The following RPSA2 variants were observed in gnomAD, a reference collection of about 807,000 sequenced individuals.
RPSA2 encodes small ribosomal subunit protein uS2B.
chr19:23,861,558 C>T, the RPSA2 span, among the ~76,000 whole-genome samples: 2 of 152,200 alleles, frequency 1.3e-5, no homozygotes, highest in Middle Eastern at 3.4e-3. Flanking sequence ...CAGGGTTCTA[C>T]TGTACTTTTC....
At chr19:23,844,482 T>A in the RPSA2 span, among the ~76,000 whole-genome samples, 4 of 152,296 alleles carry the variant, frequency 2.6e-5, no homozygotes, top group African/African-American at 9.6e-5. Context: ...GCTATTTGTA[T>A]GTCTTTATTG....
the RPSA2 span, among the ~76,000 whole-genome samples, chr19:23,778,233 A>T: frequency 6.6e-6 from 1 of 151,994 alleles, no homozygotes; most frequent in Admixed American, 6.6e-5. Flanking sequence ...TTTGTTTTTG[A>T]TGGAGTTTCA....
chr19:23,795,711 T>C, the RPSA2 span, among the ~76,000 whole-genome samples: 1 of 152,168 alleles, frequency 6.6e-6, no homozygotes, highest in South Asian at 2.1e-4. Context: ...TTATGTTGAA[T>C]AGAAGTGTTG....
chr19:23,864,433 A>G, the RPSA2 span, among the ~76,000 whole-genome samples: 1 of 152,230 alleles, frequency 6.6e-6, no homozygotes, highest in South Asian at 2.1e-4. Flanking sequence ...TATGTAACAC[A>G]TACCCATACC....
the RPSA2 span, among the ~76,000 whole-genome samples, chr19:23,866,266 A>G: frequency 5.9e-5 from 9 of 152,220 alleles, no homozygotes; most frequent in Non-Finnish European, 1.2e-4. Flanking sequence ...CATGGCTGCA[A>G]GATGCAGTGC....
At chr19:23,768,784 C>T in the RPSA2 span, among the ~76,000 whole-genome samples, 2 of 149,638 alleles carry the variant, frequency 1.3e-5, no homozygotes, top group African/African-American at 4.9e-5. Context: ...GACAGGGTTT[C>T]ACCATGTTGG....
the RPSA2 span, among the ~76,000 whole-genome samples, chr19:23,806,036 C>CT: frequency 1.0e-5 from 1 of 96,452 alleles, no homozygotes; most frequent in Non-Finnish European, 2.1e-5. Flanking sequence ...TCTATCTATC[C>CT]TTCTTTCTTT....
chr19:23,766,066 A>G, the RPSA2 span, among the ~76,000 whole-genome samples: 1 of 151,882 alleles, frequency 6.6e-6, no homozygotes, highest in South Asian at 2.1e-4. Context: ...GCTTTATAGA[A>G]GAGGTGACAT....
At chr19:23,848,836 A>T in the RPSA2 span, among the ~76,000 whole-genome samples, 1 of 152,234 alleles carries the variant, frequency 6.6e-6, no homozygotes, top group Non-Finnish European at 1.5e-5. Context: ...CCAATCATTG[A>T]CAAAATGAGC....
chr19:23,844,587 A>G, the RPSA2 span, among the ~76,000 whole-genome samples: 2 of 152,062 alleles, frequency 1.3e-5, no homozygotes, highest in Non-Finnish European at 2.9e-5. Context: ...TATAAGTTTC[A>G]TGTTGTCACA....
chr19:23,761,098 G>GTA, the RPSA2 span, among the ~76,000 whole-genome samples: 2 of 150,654 alleles, frequency 1.3e-5, no homozygotes, highest in Admixed American at 6.7e-5. Context: ...ATGTGTGTGT[G>GTA]TGTGTACACA....
At chr19:23,806,274 A>G in the RPSA2 span, among the ~76,000 whole-genome samples, 6 of 151,486 alleles carry the variant, frequency 4.0e-5, no homozygotes, top group East Asian at 1.2e-3. Flanking sequence ...CAAACTCCTG[A>G]CCACATGATC....
At chr19:23,767,547 G>A in the RPSA2 span, among the ~76,000 whole-genome samples, 1 of 152,092 alleles carries the variant, frequency 6.6e-6, no homozygotes, top group Non-Finnish European at 1.5e-5. Flanking sequence ...GAACCTGCAA[G>A]CAAAATGTAC....
At chr19:23,855,269 G>T in the RPSA2 span, among the ~76,000 whole-genome samples, 19 of 152,274 alleles carry the variant, frequency 1.2e-4, no homozygotes, top group African/African-American at 4.6e-4. Flanking sequence ...TGACCACAAG[G>T]TATGCAATTG....
At chr19:23,832,803 C>T in the RPSA2 span, 13 of 1,577,364 alleles carry the variant, frequency 8.2e-6, 1 homozygote, top group African/African-American at 4.0e-5. Context: ...AGAAACCCTA[C>T]AAATGTGAAG....
At chr19:23,847,937 C>T in the RPSA2 span, among the ~76,000 whole-genome samples, 2 of 152,158 alleles carry the variant, frequency 1.3e-5, no homozygotes, top group African/African-American at 2.4e-5. Context: ...AAATGTGGCT[C>T]TTTTTGCCTG....
the RPSA2 span, among the ~76,000 whole-genome samples, chr19:23,800,673 G>A: frequency 6.6e-6 from 1 of 151,908 alleles, no homozygotes; most frequent in Non-Finnish European, 1.5e-5. Flanking sequence ...GAGTACAGTG[G>A]CACAATCTCA....
the RPSA2 span, among the ~76,000 whole-genome samples, chr19:23,796,819 ATCATCCCTTCTTCCT>A: frequency 6.7e-6 from 1 of 148,456 alleles, no homozygotes; most frequent in Non-Finnish European, 1.5e-5. Context: ...GTTTATTTGG[ATCATCCCTTCTTCCT>A]TCATTAATCT....
chr19:23,806,325 G>T, the RPSA2 span, among the ~76,000 whole-genome samples: 1 of 151,918 alleles, frequency 6.6e-6, no homozygotes, highest in Admixed American at 6.6e-5. Context: ...TTATAGGCAT[G>T]AGCCACAGCA....
Sources: allele counts gnomAD v4.1 joint callset (sites outside exome capture counted in the v4.1 genomes callset), GRCh38; gene constraint gnomAD v4.1.1; transcripts MANE v1.5; gene names NCBI Gene and HGNC (gene_info 2026-07-23, HGNC 2026-07-21).